Variants in FREM1 observed in about 807,000 individuals in gnomAD.
FREM1 encodes FRAS1-related extracellular matrix protein 1.
A neutral mutation model predicts 210.1 loss-of-function variants in FREM1; 220 were observed. The observed-to-expected ratio is 1.05, with a 90% CI of 0.94 to 1.17. The LOEUF (loss-of-function observed/expected upper bound fraction) is 1.17. Ranked by LOEUF, FREM1 falls within the 50% of genes most tolerant of loss-of-function variation. The pLI is 0.00. For synonymous variants in FREM1, 1,189 were observed against 980.2 expected (o/e 1.21, Z -3.98); for missense variants, 3,454 against 2,675.5 (o/e 1.29, Z -6.42).
At chr9:14,907,978 G>C (rs952530454) in intron 1 of FREM1, among the ~76,000 whole-genome samples, 2 of 152,206 alleles carry the variant, frequency 1.3e-5, no homozygotes, top group African/African-American at 4.8e-5. Flanking sequence ...GACCCTGCCT[G>C]TGCATGCCAT....
chr9:14,849,793 A>G (rs1478376632), intron 6 of FREM1, among the ~76,000 whole-genome samples: 1 of 152,164 alleles, frequency 6.6e-6, no homozygotes, highest in Non-Finnish European at 1.5e-5. Context: ...AAAAAATCAC[A>G]CATTCGCACA....
intron 22 of FREM1, among the ~76,000 whole-genome samples, chr9:14,791,489 G>A (rs1851306957): frequency 6.6e-6 from 1 of 152,196 alleles, no homozygotes; most frequent in Admixed American, 6.5e-5. Context: ...TATGCTAGCA[G>A]GATGGGATGA....
chr9:14,849,617 T>C (rs1184177624), intron 6 of FREM1, among the ~76,000 whole-genome samples: 2 of 152,152 alleles, frequency 1.3e-5, no homozygotes, highest in Admixed American at 1.3e-4. Context: ...AAGAAACTGA[T>C]TCAAGGCTGC....
rs1450042072 is a variant in FREM1 at position 14,805,110 on chromosome 9, T to A, written c.3317A>T (p.Tyr1106Phe). 1 of 1,600,590 alleles carries A rather than the reference T, an allele frequency of 6.2e-7. No homozygotes were observed. The highest frequency in any genetic ancestry group is 1.7e-5 in the Admixed American group (1 of 59,066). The change falls in exon 19 of 37, where the codon TAT becomes TTT. Residue 1106 changes from tyrosine (Y) to phenylalanine (F), a missense_variant. Transcript: ENST00000380880. ...TATCCTCAGATGCCTGGACTGCACA[T>A]AGTTAATGTGAAAAGCGTTCATGTC... Reference protein sequence around the residue: ...WKDMNAFHINYVQSRHLRIEP... With the variant: ...WKDMNAFHINFVQSRHLRIEP...
chr9:14,894,451 G>A (rs2132448627), intron 1 of FREM1, among the ~76,000 whole-genome samples: 1 of 152,278 alleles, frequency 6.6e-6, no homozygotes, highest in East Asian at 1.9e-4. Context: ...TTTGACAGGT[G>A]TTCTTAAATG....
intron 23 of FREM1, among the ~76,000 whole-genome samples, chr9:14,787,336 GA>G (rs1278696008): frequency 6.6e-6 from 1 of 152,142 alleles, no homozygotes; most frequent in Non-Finnish European, 1.5e-5. Flanking sequence ...AAACAAAGAA[GA>G]AAAAATTTGA....
chr9:14,771,480 A>T (rs188512412), intron 25 of FREM1, among the ~76,000 whole-genome samples: 1 of 152,318 alleles, frequency 6.6e-6, no homozygotes, highest in African/African-American at 2.4e-5. Context: ...TGACATCTTC[A>T]CAACCTACAC....
At chr9:14,861,095 A>G in intron 3 of FREM1, among the ~76,000 whole-genome samples, 1 of 107,872 alleles carries the variant, frequency 9.3e-6, no homozygotes, top group Non-Finnish European at 1.7e-5. Flanking sequence ...ACACATATAT[A>G]TAAACATATA....
chr9:14,806,865 A>G lies in FREM1; in HGVS notation c.3089-19T>C, dbSNP rs1480769617. On this transcript the variant is annotated intron_variant, in intron 17 of 36. Transcript: ENST00000380880. ...ACGGGACCTGCATACAAATAAAAAC[A>G]CAATTACAACTTAGCATGAAATCCT... 1 of 1,510,912 alleles carries G rather than the reference A, an allele frequency of 6.6e-7. No individual in the cohort carries two copies. The highest frequency in any genetic ancestry group is 9.0e-7 in the Non-Finnish European group (1 of 1,105,834). 93.6% of individuals were successfully genotyped at this position (1,510,912 alleles called of 1,614,324 possible).
At position 14,904,027 on chromosome 9, in the gene FREM1, C is replaced by T. The variant is rs1280654094; in HGVS notation, c.-268+5887G>A. Reference sequence around the variant, plus strand: ...GTCCCAGCTGCTTGGGAGGCTGAGGCAGGAGAATGGCGTGAACCTGGGAGG... The same window carrying T: ...GTCCCAGCTGCTTGGGAGGCTGAGGTAGGAGAATGGCGTGAACCTGGGAGG... On this transcript the variant is annotated intron_variant, in intron 1 of 36. Coordinates refer to ENST00000380880, the MANE Select transcript of FREM1 (RefSeq NM_001379081.2). Among the ~76,000 whole-genome samples, 4 of 142,110 alleles carry T rather than the reference C, an allele frequency of 2.8e-5. No homozygotes were observed. In the East Asian group the frequency reaches 8.5e-4, roughly 30 times the overall value. 93.2% of individuals were successfully genotyped at this position (142,110 alleles called of 152,430 possible). A position where few individuals can be genotyped will look rare whatever the true frequency, so the allele number is the denominator to read the frequency against.
rs148977302 is a variant in FREM1, at chr9:14,836,954, G to A, written c.1881+4493C>T. On this transcript the variant is annotated intron_variant, in intron 10 of 36. Coordinates refer to ENST00000380880, the MANE Select transcript of FREM1 (RefSeq NM_001379081.2). The surrounding 1 kb of genome is among the most constrained non-coding windows in gnomAD (Gnocchi z 4.9). Reference sequence around the variant, plus strand: ...GAAAAGGGGTCCTTGGGTAGTTTTCGTCTTTTAAAGCATATCCGGAAAAGT... The same window carrying A: ...GAAAAGGGGTCCTTGGGTAGTTTTCATCTTTTAAAGCATATCCGGAAAAGT... Among the ~76,000 whole-genome samples the A allele has an allele frequency of 2.8e-4, 42 of 152,296 alleles. No individual in the cohort carries two copies. The highest frequency in any genetic ancestry group is 7.9e-4 in the African/African-American group (33 of 41,562).
intron 24 of FREM1, chr9:14,779,599 G>T: frequency 2.6e-6 from 1 of 381,910 alleles, no homozygotes; most frequent in Non-Finnish European, 3.6e-6. Context: ...TACTCGATGC[G>T]TGCATGGCCT....
At position 14,869,012 on chromosome 9, in the gene FREM1, G is replaced by A. The variant is rs1192182701; in HGVS notation, c.-35C>T. 1.6e-5 allele frequency: 23 copies of A among 1,432,332 alleles called. No individual in the cohort carries two copies. Among genetic ancestry groups the A allele is most frequent in the Non-Finnish European group, 2.1e-5 (22 of 1,061,736 alleles). The allele number at this position is 1,432,332 out of a possible 1,614,324, so 88.7% of individuals were successfully genotyped here. A position where few individuals can be genotyped will look rare whatever the true frequency, so the allele number is the denominator to read the frequency against. On this transcript the variant is annotated 5_prime_UTR_variant, in exon 2 of 37. Coordinates refer to ENST00000380880, the MANE Select transcript of FREM1 (RefSeq NM_001379081.2). ...GCCCAACTCTTCTCTGTCCACCGGC[G>A]AAATCCCTTTAACAAAGGAGGGCTT...
intron 29 of FREM1, 133 bp from the exon 30 acceptor site, chr9:14,750,409 C>A: frequency 1.6e-6 from 1 of 610,822 alleles, no homozygotes; most frequent in Non-Finnish European, 2.8e-6. Context: ...GCTACCAACT[C>A]ACTGAAGTCC....
Position 14,842,644 on chromosome 9 carries a change from G to C in FREM1, c.1410C>G (p.Leu470=). 2 of 1,613,370 alleles carry C rather than the reference G, an allele frequency of 1.2e-6. No homozygotes were observed. The highest frequency in any genetic ancestry group is 1.1e-5 in the South Asian group (1 of 91,074). The change falls in exon 9 of 37, where the codon CTC becomes CTG. Residue 470 remains leucine, a synonymous_variant. Coordinates refer to ENST00000380880, the MANE Select transcript of FREM1 (RefSeq NM_001379081.2). ...CAGCCTGGAGGTCAGCCACGGTGAA[G>C]AGAAACCCTTTCCCCCCTGAGGGAG... ...WLTLRGGKGF[L]FTVADLQAGV...
intron 35 of FREM1, among the ~76,000 whole-genome samples, chr9:14,742,753 T>C (rs566128834): frequency 2.6e-5 from 4 of 152,280 alleles, no homozygotes; most frequent in African/African-American, 4.8e-5. Flanking sequence ...AAAAATCTTA[T>C]ATGTGTTTGC....
intron 1 of FREM1, among the ~76,000 whole-genome samples, chr9:14,900,557 C>A (rs1239587496): frequency 6.6e-6 from 1 of 151,922 alleles, no homozygotes; most frequent in African/African-American, 2.4e-5. Flanking sequence ...AAAAGCAAGA[C>A]CCAGTGTGGT....
chr9:14,775,707 CAAAAAAAAAAA>C (rs35187926), intron 25 of FREM1, 71 bp downstream of exon 25: 7 of 375,340 alleles, frequency 1.9e-5, no homozygotes, highest in Admixed American at 1.3e-4. Context: ...GACTCCCTCT[CAAAAAAAAAAA>C]AAAAAAAAAA....
At chr9:14,828,647 GGA>G (rs1491401080) in intron 10 of FREM1, among the ~76,000 whole-genome samples, 6,825 of 143,750 alleles carry the variant, frequency 0.047, 613 homozygotes, top group Admixed American at 0.071. Context: ...GCGGGGCGGG[GGA>G]GGTGCCGGGG....
Sources: gnomAD v4.1 joint callset for allele counts (sites outside exome capture counted in the v4.1 genomes callset) on GRCh38, gnomAD v4.1.1 for gene constraint, Gnocchi (gnomAD v3.1) non-coding constraint, MANE v1.5 for transcripts, NCBI Gene and HGNC (gene_info 2026-07-23, HGNC 2026-07-21) for gene names.